The following ITPR2 variants were observed in gnomAD, a reference collection of about 807,000 sequenced individuals.
ITPR2 encodes the protein inositol 1,4,5-trisphosphate receptor type 2.
ITPR2 carries 207 observed loss-of-function variants against 317.1 expected under a neutral mutation model. The ratio of observed to expected loss-of-function variants is 0.65; its 90% confidence interval spans 0.58 to 0.73. The LOEUF is 0.73. Among genes scored for constraint, ITPR2 ranks in the 30% least tolerant of loss-of-function variants. ITPR2 has a pLI of 0.00. For synonymous variants in ITPR2, 1,156 were observed against 1,149.1 expected (o/e 1.01, Z -0.12); for missense variants, 2,613 against 3,284.0 (o/e 0.80, Z 4.99).
intron 41 of ITPR2, among the ~76,000 whole-genome samples, chr12:26,484,775 C>A (rs1308967253): frequency 1.3e-5 from 2 of 152,042 alleles, no homozygotes; most frequent in Non-Finnish European, 2.9e-5. Flanking sequence ...GCAGTGGCAT[C>A]ATCTCCGCTC....
rs776237248 is a variant in ITPR2 at position 26,597,002 on chromosome 12, C to G, written c.4135G>C (p.Val1379Leu). 6.2e-7 allele frequency: 1 copy of G among 1,613,896 alleles called. No individual in the cohort carries two copies. Among genetic ancestry groups the G allele is most frequent in the East Asian group, 2.2e-5 (1 of 44,882 alleles). Residue 1379 changes from valine to leucine, a missense_variant, in exon 31 of 57, where the codon GTG (valine) becomes CTG (leucine). Around this residue, in one of 9 missense-constraint regions of ITPR2, gnomAD observed 817 missense variants for 897.6 expected, o/e 0.91. Transcript: ENST00000381340. ...SGPLAYHITL[V>L]ELLAACTEGK... ...TCTGTGCATGCTGCCAGCAACTCCA[C>G]CAGGGTGATGTGGTAGGCTAAGGGG...
rs1946516339 is a variant in ITPR2 at position 26,622,315 on chromosome 12, A to C, written c.3213T>G (p.Pro1071=). The change falls in exon 25 of 57, where the codon CCT becomes CCG. Residue 1071 remains proline (P), a synonymous_variant. Coordinates refer to ENST00000381340, the MANE Select transcript of ITPR2 (RefSeq NM_002223.4). The stretch of plus-strand genomic sequence containing the variant: ...ACAGCTGCAGGGCTCCAGACAGCAA[A>C]GGCGGGTAGTCGTGCATGATCAGAT... ...LIHLIMHDYP[P]LLSGALQLLF... The C allele has an allele frequency of 6.2e-7, 1 of 1,613,940 alleles. No individual in the cohort carries two copies. The highest frequency in any genetic ancestry group is 1.3e-5 in the African/African-American group (1 of 74,932).
At chr12:26,514,373 C>T (rs1943435528) in intron 37 of ITPR2, among the ~76,000 whole-genome samples, 1 of 152,212 alleles carries the variant, frequency 6.6e-6, no homozygotes, top group African/African-American at 2.4e-5. Context: ...GGAGTATTTA[C>T]TGCAGTCATG....
rs201232511 is a variant in ITPR2 at position 26,817,050 on chromosome 12, A to G, written c.92+15640T>C. Among the ~76,000 whole-genome samples, 6 of 152,076 alleles carry G rather than the reference A, an allele frequency of 3.9e-5. No homozygotes were observed. The South Asian group carries it at 6.2e-4, about 16-fold the overall frequency. ...AAAAAAATTAGCCGGGCATGGTGGC[A>G]TGCACCTGTAGTCCCAGCTACTGGG... On this transcript the variant is annotated intron_variant, in intron 1 of 56. Coordinates refer to ENST00000381340, the MANE Select transcript of ITPR2 (RefSeq NM_002223.4).
intron 9 of ITPR2, among the ~76,000 whole-genome samples, chr12:26,701,731 T>A (rs955182178): frequency 1.1e-4 from 16 of 152,198 alleles, no homozygotes; most frequent in Admixed American, 2.0e-4. Context: ...ATAGAGTTTC[T>A]TGAGTACTGG....
intron 45 of ITPR2, among the ~76,000 whole-genome samples, chr12:26,444,028 C>T (rs1941551024): frequency 6.6e-6 from 1 of 152,074 alleles, no homozygotes; most frequent in South Asian, 2.1e-4. Flanking sequence ...TTTTCCTATA[C>T]ACACATAAAT....
At chr12:26,754,058 T>C (rs1271992715) in intron 2 of ITPR2, among the ~76,000 whole-genome samples, 1 of 152,184 alleles carries the variant, frequency 6.6e-6, no homozygotes, top group African/African-American at 2.4e-5. Flanking sequence ...GATTAATTGG[T>C]TTAATAATAA....
chr12:26,750,181 C>T (rs1949390692), intron 2 of ITPR2, among the ~76,000 whole-genome samples: 2 of 152,180 alleles, frequency 1.3e-5, no homozygotes, highest in East Asian at 1.9e-4. Flanking sequence ...ATTGCAGGTT[C>T]GGATTTCCAA....
intron 32 of ITPR2, among the ~76,000 whole-genome samples, chr12:26,591,448 G>A (rs1226394058): frequency 2.0e-5 from 3 of 152,308 alleles, no homozygotes; most frequent in Non-Finnish European, 2.9e-5. Flanking sequence ...ATGCTGAAGA[G>A]CATGTAGAGA....
At chr12:26,462,197 T>G (rs146689687) in intron 45 of ITPR2, among the ~76,000 whole-genome samples, 2 of 152,068 alleles carry the variant, frequency 1.3e-5, no homozygotes, top group Non-Finnish European at 2.9e-5. Flanking sequence ...GACAAAGTAT[T>G]CCTCTGCTGC....
chr12:26,351,311 A>G (rs898502277), intron 55 of ITPR2, among the ~76,000 whole-genome samples: 46 of 152,304 alleles, frequency 3.0e-4, no homozygotes, highest in African/African-American at 1.1e-3. Flanking sequence ...CTGGGGCCCA[A>G]TCTGTCAAAG....
At chr12:26,753,964 AGCTT>A (rs1592097832) in intron 2 of ITPR2, among the ~76,000 whole-genome samples, 1 of 152,286 alleles carries the variant, frequency 6.6e-6, no homozygotes, top group East Asian at 1.9e-4. Context: ...TTTGATTCCA[AGCTT>A]AGGGGATAAG....
chr12:26,475,424 C>CA lies in ITPR2; in HGVS notation c.6220-7dup, dbSNP rs749099694. ...GCATTCTTCATCACATCCACCTATC[C>CA]AAAAAAAAAAAGAATATTGAAATGC... On this transcript the variant is annotated splice_region_variant and splice_polypyrimidine_tract_variant and intron_variant, in intron 44 of 56. Coordinates refer to ENST00000381340, the MANE Select transcript of ITPR2 (RefSeq NM_002223.4). 0.049 allele frequency: 47,477 copies of CA among 964,272 alleles called. No individual in the cohort carries two copies. Among genetic ancestry groups the CA allele is most frequent in the South Asian group, 0.066 (3,387 of 51,700 alleles). The allele number at this position is 964,272 out of a possible 1,614,324, so 59.7% of individuals were successfully genotyped here. A position where few individuals can be genotyped will look rare whatever the true frequency, so the allele number is the denominator to read the frequency against.
In ITPR2 at chr12:26,624,837, G is replaced by A. The variant is rs115104933; in HGVS notation, c.3065-481C>T. On this transcript the variant is annotated intron_variant, in intron 23 of 56. Transcript: ENST00000381340. Reference sequence around the variant, plus strand: ...TGATCCAGTAATTCTACTTCTGGGTGTATATGAAAAAGAAAGGAAATTTGT... The same window carrying A: ...TGATCCAGTAATTCTACTTCTGGGTATATATGAAAAAGAAAGGAAATTTGT... 9.1e-3 allele frequency among the ~76,000 whole-genome samples: 1,380 copies of A among 151,810 alleles called. 21 individuals are homozygous for A. The highest frequency in any genetic ancestry group is 0.031 in the African/African-American group (1,293 of 41,406).
At chr12:26,450,909 GC>G (rs1211594119) in intron 45 of ITPR2, among the ~76,000 whole-genome samples, 2 of 152,108 alleles carry the variant, frequency 1.3e-5, no homozygotes, top group African/African-American at 4.8e-5. Context: ...GCAGATGAAA[GC>G]CCTTATACCC....
At chr12:26,603,226 C>T (rs750071337) in intron 26 of ITPR2, among the ~76,000 whole-genome samples, 6 of 151,984 alleles carry the variant, frequency 3.9e-5, no homozygotes, top group South Asian at 4.2e-4. Context: ...GTCACGACTC[C>T]GGGCCAACAT....
intron 9 of ITPR2, among the ~76,000 whole-genome samples, chr12:26,701,450 T>C (rs891895720): frequency 6.6e-6 from 1 of 152,208 alleles, no homozygotes; most frequent in Non-Finnish European, 1.5e-5. Flanking sequence ...AAATCTATTA[T>C]TGTGATTGAT....
Position 26,596,646 on chromosome 12 carries a change from CAA to C in ITPR2, c.4254+235_4254+236del, listed in dbSNP as rs35579016. 5.6e-3 allele frequency among the ~76,000 whole-genome samples: 491 copies of C among 87,370 alleles called. 3 individuals are homozygous for C. Among genetic ancestry groups the C allele is most frequent in the African/African-American group, 0.017 (381 of 22,172 alleles). 57.3% of individuals were successfully genotyped at this position (87,370 alleles called of 152,430 possible). On this transcript the variant is annotated intron_variant, in intron 31 of 56. Transcript: ENST00000381340. ...TGGGCAACAGAGCAAAACTCTGTCT[CAA>C]AAAAAAAAAAAAAAAAAAAGTTTAT...
At chr12:26,630,594 C>T (rs1490702336) in intron 22 of ITPR2, 4 of 152,274 alleles carry the variant, frequency 2.6e-5, no homozygotes, top group African/African-American at 9.7e-5. Context: ...TACTCAGACA[C>T]ATACGCACGG....
Sources: allele counts gnomAD v4.1 joint callset (sites outside exome capture counted in the v4.1 genomes callset), GRCh38; gene constraint gnomAD v4.1.1; regional missense constraint gnomAD v4.1.1; transcripts MANE v1.5; gene names NCBI Gene and HGNC (gene_info 2026-07-23, HGNC 2026-07-21).